The following GNG2 variants were observed in gnomAD, a reference collection of about 807,000 sequenced individuals.
GNG2 encodes guanine nucleotide-binding protein G(I)/G(S)/G(O) subunit gamma-2.
GNG2 carries 5 observed loss-of-function variants against 5.5 expected under a neutral mutation model. That is an observed-to-expected ratio of 0.91 (90% CI 0.48 to 1.92). The LOEUF (loss-of-function observed/expected upper bound fraction) is 1.92, where lower values mean the gene tolerates loss of function less well. Among genes scored for constraint, GNG2 ranks in the 30% most tolerant of loss-of-function variants. GNG2 has a pLI of 0.01. For synonymous variants in GNG2, 28 were observed against 32.0 expected (o/e 0.88, Z 0.42); for missense variants, 55 against 88.4 (o/e 0.62, Z 1.52).
intron 2 of GNG2, among the ~76,000 whole-genome samples, chr14:51,924,791 C>T (rs1471905703): frequency 1.3e-5 from 2 of 152,220 alleles, no homozygotes; most frequent in Non-Finnish European, 2.9e-5. Context: ...ACACTGGTCT[C>T]ACTTAGCATC....
intron 2 of GNG2, among the ~76,000 whole-genome samples, chr14:51,940,951 C>A (rs1888286860): frequency 6.6e-6 from 1 of 151,920 alleles, no homozygotes; most frequent in East Asian, 1.9e-4. Context: ...TTTGTGAAAG[C>A]CCTTTAGAGG....
At chr14:51,934,089 A>T (rs1056806783) in intron 2 of GNG2, among the ~76,000 whole-genome samples, 1 of 152,170 alleles carries the variant, frequency 6.6e-6, no homozygotes, top group Non-Finnish European at 1.5e-5. Flanking sequence ...AGCCAGTATG[A>T]TGGAGAAAGA....
intron 3 of GNG2, among the ~76,000 whole-genome samples, chr14:51,965,674 G>A (rs1889851743): frequency 6.6e-6 from 1 of 152,164 alleles, no homozygotes; most frequent in Non-Finnish European, 1.5e-5. Flanking sequence ...GTTCTATATA[G>A]TGTGTGTATA....
At chr14:51,827,626 G>A (rs887121038) in intron 1 of GNG2, 15 of 687,120 alleles carry the variant, frequency 2.2e-5, no homozygotes, top group Non-Finnish European at 3.4e-5. Flanking sequence ...GCTGTGATTA[G>A]TGTGTTGGAT....
At chr14:51,845,312 G>A (rs768126451) in intron 2 of GNG2, among the ~76,000 whole-genome samples, 7 of 152,266 alleles carry the variant, frequency 4.6e-5, no homozygotes, top group Admixed American at 6.5e-5. Flanking sequence ...GCAACACGGC[G>A]AAGCCCTATA....
At chr14:51,964,284 G>T (rs1403801876) in intron 3 of GNG2, among the ~76,000 whole-genome samples, 1 of 152,222 alleles carries the variant, frequency 6.6e-6, no homozygotes, top group Non-Finnish European at 1.5e-5. Flanking sequence ...CCAAGCTGAT[G>T]CCTTGATTTC....
At chr14:51,944,285 G>C (rs1275894089) in intron 2 of GNG2, among the ~76,000 whole-genome samples, 1 of 152,194 alleles carries the variant, frequency 6.6e-6, no homozygotes, top group African/African-American at 2.4e-5. Context: ...GGCTAAATGT[G>C]CAAGATCAAG....
At chr14:51,927,063 T>TC (rs751552029) in intron 2 of GNG2, among the ~76,000 whole-genome samples, 25 of 152,222 alleles carry the variant, frequency 1.6e-4, no homozygotes, top group Non-Finnish European at 3.1e-4. Flanking sequence ...TTTACTCTGA[T>TC]CCCATTCTCT....
At chr14:51,963,982 C>A (rs150657167) in intron 3 of GNG2, among the ~76,000 whole-genome samples, 252 of 152,242 alleles carry the variant, frequency 1.7e-3, no homozygotes, top group Non-Finnish European at 2.7e-3. Flanking sequence ...CACCTGGAAT[C>A]TTAGAATGTG....
At position 51,875,036 on chromosome 14, in the gene GNG2, C is replaced by T. The variant is rs1883564824; in HGVS notation, c.-70-2581C>T. 2.0e-5 allele frequency among the ~76,000 whole-genome samples: 3 copies of T among 152,106 alleles called. No homozygotes were observed. The South Asian group carries it at 6.2e-4, about 32-fold the overall frequency. On this transcript the variant is annotated intron_variant, in intron 1 of 3. Coordinates refer to ENST00000556766, the MANE Select transcript of GNG2 (RefSeq NM_053064.5). ...TTTGAAAGAAAAAATAAAAATGGCT[C>T]CATCTGTTAATTAAATTGTTAGTTG...
intron 2 of GNG2, among the ~76,000 whole-genome samples, chr14:51,931,662 G>A (rs956089116): frequency 7.2e-5 from 11 of 152,112 alleles, no homozygotes; most frequent in Admixed American, 3.9e-4. Flanking sequence ...TGACAGGAAA[G>A]CAAGACAAGA....
chr14:51,903,458 G>T lies in GNG2; in HGVS notation c.-30+25801G>T, dbSNP rs561493577. Among the ~76,000 whole-genome samples the T allele has an allele frequency of 8.5e-5, 13 of 152,294 alleles. No individual in the cohort carries two copies. In the South Asian group the frequency reaches 2.5e-3, roughly 29 times the overall value. ...AAGAATTGATTATATTTAATATGTG[G>T]TTTGAGCAAGGGCGTGGACTTATGT... On this transcript the variant is annotated intron_variant, in intron 2 of 3. Coordinates refer to ENST00000556766, the MANE Select transcript of GNG2 (RefSeq NM_053064.5).
intron 2 of GNG2, among the ~76,000 whole-genome samples, chr14:51,884,407 C>A (rs369708677): frequency 6.6e-5 from 10 of 152,164 alleles, no homozygotes; most frequent in African/African-American, 2.4e-4. Context: ...ATATTATCTC[C>A]CTTTATCCTT....
At chr14:51,897,712 G>A (rs1885288505) in intron 2 of GNG2, among the ~76,000 whole-genome samples, 1 of 152,098 alleles carries the variant, frequency 6.6e-6, no homozygotes, top group Non-Finnish European at 1.5e-5. Context: ...GGAGGGCAAG[G>A]AACTTATGTG....
At chr14:51,863,465 G>C (rs1034157593) in intron 1 of GNG2, among the ~76,000 whole-genome samples, 3 of 152,158 alleles carry the variant, frequency 2.0e-5, no homozygotes, top group Admixed American at 6.5e-5. Context: ...GGAAAAGTTA[G>C]CATATTCTTG....
chr14:51,944,985 T>A (rs1259495864), intron 2 of GNG2, among the ~76,000 whole-genome samples: 1 of 152,040 alleles, frequency 6.6e-6, no homozygotes, highest in Non-Finnish European at 1.5e-5. Flanking sequence ...TGAATAGGTA[T>A]CTCCGCAAAG....
At chr14:51,965,342 G>C (rs1188332379) in intron 3 of GNG2, among the ~76,000 whole-genome samples, 4 of 152,198 alleles carry the variant, frequency 2.6e-5, no homozygotes, top group African/African-American at 7.2e-5. Context: ...ATGTGGAAAT[G>C]TGTTATTTTA....
At position 51,876,981 on chromosome 14, in the gene GNG2, C is replaced by T. The variant is rs763086433; in HGVS notation, c.-70-636C>T. 3.9e-5 allele frequency among the ~76,000 whole-genome samples: 6 copies of T among 152,128 alleles called. No individual in the cohort carries two copies. The East Asian group carries it at 5.8e-4, about 15-fold the overall frequency. On this transcript the variant is annotated intron_variant, in intron 1 of 3. Coordinates refer to ENST00000556766, the MANE Select transcript of GNG2 (RefSeq NM_053064.5). ...GCTCATCTACACAGGAACTTTCTCC[C>T]GTAGGAACCACACTCGGCACTGGAC...
intron 2 of GNG2, among the ~76,000 whole-genome samples, chr14:51,907,824 A>G (rs977997517): frequency 1.3e-5 from 2 of 152,166 alleles, no homozygotes; most frequent in Non-Finnish European, 2.9e-5. Context: ...AATACCCTAC[A>G]CTAACTTTAG....
Sources: gnomAD v4.1 joint callset for allele counts (sites outside exome capture counted in the v4.1 genomes callset) on GRCh38, gnomAD v4.1.1 for gene constraint, MANE v1.5 for transcripts, NCBI Gene and HGNC (gene_info 2026-07-23, HGNC 2026-07-21) for gene names.